The following ENTPD5 variants were observed in gnomAD, a reference collection of about 807,000 sequenced individuals.
The protein encoded by ENTPD5 is ectonucleoside triphosphate diphosphohydrolase 5 (inactive), also known as nucleoside diphosphate phosphatase ENTPD5.
Under a neutral mutation model 60.2 loss-of-function variants are expected in ENTPD5, and 49 were observed. That is an observed-to-expected ratio of 0.81 (90% confidence interval 0.65 to 1.03). The LOEUF is 1.03. Among genes scored for constraint, ENTPD5 ranks in the 50% least tolerant of loss-of-function variants. The probability of loss-of-function intolerance (pLI) is 0.00; values close to 1 mark genes in which losing one functional copy is unlikely to be tolerated. For missense variants in ENTPD5, 480 were observed against 507.6 expected (o/e 0.95, Z 0.52); for synonymous variants, 187 against 185.4 (o/e 1.01, Z -0.07).
intron 3 of ENTPD5, among the ~76,000 whole-genome samples, chr14:73,988,888 A>G (rs1277447925): frequency 2.6e-5 from 4 of 152,058 alleles, no homozygotes; most frequent in African/African-American, 4.8e-5. Flanking sequence ...CAGTGGCGCA[A>G]TCTCAGCTCA....
In ENTPD5 at chr14:73,976,020, A is replaced by T; in HGVS notation, c.643-5T>A. ...AGGAGTTTGTTCCAGAGTTTTCTGC[A>T]AATCAGAAAAAGCAAAAAGACTATT... On this transcript the variant is annotated splice_region_variant and splice_polypyrimidine_tract_variant and intron_variant, in intron 9 of 15. Transcript: ENST00000334696. 2 of 1,610,902 alleles carry T rather than the reference A, an allele frequency of 1.2e-6. No individual in the cohort carries two copies. Among genetic ancestry groups the T allele is most frequent in the Non-Finnish European group, 1.7e-6 (2 of 1,178,214 alleles).
In ENTPD5 at chr14:73,981,954, C is replaced by T. The variant is rs2140568152; in HGVS notation, c.441+1064G>A. On this transcript the variant is annotated intron_variant, in intron 6 of 15. Transcript: ENST00000334696. ...AAAGAATAAGCAAAACTTATAGTGA[C>T]AGGAAGCAAATTAGTGATTGGTTGG... is the stretch of plus-strand genomic sequence containing the variant. Among the ~76,000 whole-genome samples the T allele has an allele frequency of 2.0e-5, 3 of 152,166 alleles. No individual in the cohort carries two copies. In the South Asian group the frequency reaches 6.2e-4, roughly 32 times the overall value.
rs184812767 is a variant in ENTPD5 at position 73,964,299 on chromosome 14, T to G, written c.*2629A>C. 1.3e-5 allele frequency: 2 copies of G among 152,300 alleles called. No homozygotes were observed. The highest frequency in any genetic ancestry group is 3.9e-4 in the East Asian group (2 of 5,194). 9.4% of individuals were successfully genotyped at this position (152,300 alleles called of 1,614,324 possible). A position where few individuals can be genotyped will look rare whatever the true frequency, so the allele number is the denominator to read the frequency against. ...TAACACATCTACAAAGAGGAAACTA[T>G]TAGAATCTGTAGGACCTCTTAAGCC... On this transcript the variant is annotated 3_prime_UTR_variant, in exon 16 of 16. Transcript: ENST00000334696.
intron 3 of ENTPD5, among the ~76,000 whole-genome samples, chr14:74,009,612 C>T (rs2140853975): frequency 6.6e-6 from 1 of 152,210 alleles, no homozygotes; most frequent in South Asian, 2.1e-4. Context: ...ACCAAAAAAA[C>T]TTGGGGTTTT....
At chr14:73,962,591 G>A (rs1208260175), downstream of ENTPD5, 1 of 189,280 alleles carries the variant, frequency 5.3e-6, no homozygotes, top group Non-Finnish European at 1.1e-5. Flanking sequence ...GATTTCTAAT[G>A]ATGAAGATGT....
rs1239456689 is a variant in ENTPD5, at chr14:73,967,034, T to G, written c.1201-20A>C. Reference sequence around the variant, plus strand: ...TGTGAGCTGTTGAGAAGAAAAAAAGTCTTCACCTTTTCATCCAGTTTCCAA... The same window carrying G: ...TGTGAGCTGTTGAGAAGAAAAAAAGGCTTCACCTTTTCATCCAGTTTCCAA... On this transcript the variant is annotated intron_variant, in intron 15 of 15. Transcript: ENST00000334696. The G allele has an allele frequency of 1.7e-5, 28 of 1,604,920 alleles. No individual in the cohort carries two copies. The highest frequency in any genetic ancestry group is 2.4e-5 in the Non-Finnish European group (28 of 1,171,954).
At chr14:73,984,582 C>T (rs190905896) in intron 5 of ENTPD5, among the ~76,000 whole-genome samples, 1 of 152,288 alleles carries the variant, frequency 6.6e-6, no homozygotes, top group African/African-American at 2.4e-5. Context: ...TCTGACTGCC[C>T]TTTGATCATT....
At chr14:73,969,030 A>G (rs967887189) in intron 15 of ENTPD5, among the ~76,000 whole-genome samples, 1 of 152,232 alleles carries the variant, frequency 6.6e-6, no homozygotes, top group South Asian at 2.1e-4. Flanking sequence ...GAGGCCTTAA[A>G]TAAGCCACTC....
chr14:73,983,443 T>A (rs1000261727), intron 5 of ENTPD5, among the ~76,000 whole-genome samples: 4 of 151,768 alleles, frequency 2.6e-5, no homozygotes, highest in Non-Finnish European at 4.4e-5. Context: ...ACCAACATGG[T>A]GAAACCCCAT....
chr14:74,008,428 G>T (rs1470709072), intron 3 of ENTPD5, among the ~76,000 whole-genome samples: 2 of 143,388 alleles, frequency 1.4e-5, no homozygotes, highest in Non-Finnish European at 3.0e-5. Context: ...TCGCTCTGTC[G>T]CCCAGGCTGG....
downstream of ENTPD5, chr14:73,958,027 T>A (rs45550232): frequency 8.1e-4 from 670 of 830,436 alleles, 1 homozygote; most frequent in Middle Eastern, 1.9e-3. Flanking sequence ...CTGATTTTTT[T>A]AATCTTAAAT....
At chr14:73,984,435 C>G (rs1040831878) in intron 5 of ENTPD5, among the ~76,000 whole-genome samples, 1 of 152,162 alleles carries the variant, frequency 6.6e-6, no homozygotes, top group African/African-American at 2.4e-5. Context: ...TGATGCCATA[C>G]TTTTGATGAT....
rs543320469 is a variant in ENTPD5 at position 74,001,965 on chromosome 14, G to A, written c.-71+9126C>T. Among the ~76,000 whole-genome samples, 41 of 152,268 alleles carry A rather than the reference G, an allele frequency of 2.7e-4. No individual in the cohort carries two copies. In the South Asian group the frequency reaches 7.2e-3, roughly 27 times the overall value. ...TAGAAGAAGAGGGTTAGCATTTAATGCAGAGGATAAAGATTGTGGTCAAAG... is the reference window on the plus strand; with the variant it reads ...TAGAAGAAGAGGGTTAGCATTTAATACAGAGGATAAAGATTGTGGTCAAAG... On this transcript the variant is annotated intron_variant, in intron 3 of 15. Transcript: ENST00000334696.
At chr14:73,983,198 C>A in intron 5 of ENTPD5, 37 bp from the exon 6 acceptor site, 2 of 1,586,118 alleles carry the variant, frequency 1.3e-6, no homozygotes, top group Non-Finnish European at 1.7e-6. Context: ...GATGAACGAT[C>A]CATTTAGTGG....
At chr14:73,981,363 G>A (rs1422298893) in intron 6 of ENTPD5, among the ~76,000 whole-genome samples, 1 of 151,976 alleles carries the variant, frequency 6.6e-6, no homozygotes, top group African/African-American at 2.4e-5. Flanking sequence ...GCCAGGCGTG[G>A]TGGTGCATGC....
At chr14:73,993,543 T>C (rs1038590075) in intron 3 of ENTPD5, among the ~76,000 whole-genome samples, 1 of 152,190 alleles carries the variant, frequency 6.6e-6, no homozygotes, top group African/African-American at 2.4e-5. Flanking sequence ...CAACCACTGA[T>C]ACAGGATAGC....
chr14:73,984,172 C>T (rs1195629215), intron 5 of ENTPD5, among the ~76,000 whole-genome samples: 2 of 152,186 alleles, frequency 1.3e-5, no homozygotes, highest in Admixed American at 6.5e-5. Flanking sequence ...GGATTACAGG[C>T]ATGCGCCACA....
At chr14:73,991,616 A>AG (rs2058134734) in intron 3 of ENTPD5, among the ~76,000 whole-genome samples, 1 of 127,982 alleles carries the variant, frequency 7.8e-6, no homozygotes, top group Non-Finnish European at 1.8e-5. Flanking sequence ...ACCAAAAAAA[A>AG]AAAAAAAAAA....
At chr14:74,001,393 T>C (rs1263299836) in intron 3 of ENTPD5, among the ~76,000 whole-genome samples, 1 of 151,538 alleles carries the variant, frequency 6.6e-6, no homozygotes, top group Non-Finnish European at 1.5e-5. Flanking sequence ...TCCCAGCTAC[T>C]CGGGAGGGTT....
Sources: gnomAD v4.1 joint callset for allele counts (sites outside exome capture counted in the v4.1 genomes callset) on GRCh38, gnomAD v4.1.1 for gene constraint, MANE v1.5 for transcripts, NCBI Gene and HGNC (gene_info 2026-07-23, HGNC 2026-07-21) for gene names.